Variants in ROBO2 observed in about 807,000 individuals in gnomAD.
The protein encoded by ROBO2 is roundabout homolog 2.
A neutral mutation model predicts 160.8 loss-of-function variants in ROBO2; 53 were observed. That is an observed-to-expected ratio of 0.33 (90% CI 0.26 to 0.41). The LOEUF (loss-of-function observed/expected upper bound fraction) is 0.41, where lower values mean the gene tolerates loss of function less well. Among genes scored for constraint, ROBO2 ranks in the 10% least tolerant of loss-of-function variants. The pLI is 1.00. For synonymous variants in ROBO2, 664 were observed against 611.7 expected, an observed-to-expected ratio of 1.09 and a Z score of -1.26; for missense variants, 1,577 against 1,722.4, an observed-to-expected ratio of 0.92 and a Z score of 1.49.
intron 1 of ROBO2, among the ~76,000 whole-genome samples, chr3:75,928,132 G>A (rs539176069): frequency 6.6e-6 from 1 of 151,860 alleles, no homozygotes; most frequent in African/African-American, 2.4e-5. Flanking sequence ...TTACAGGCGT[G>A]AGCCACCACG....
intron 1 of ROBO2, among the ~76,000 whole-genome samples, chr3:77,075,672 CTTTTTTT>C (rs1174587812): frequency 2.3e-4 from 20 of 87,252 alleles, no homozygotes; most frequent in Admixed American, 2.1e-3. Flanking sequence ...TTTCTTTCTC[CTTTTTTT>C]TTTTTTTTTT....
At chr3:77,492,606 C>CA (rs1415029016) in intron 4 of ROBO2, among the ~76,000 whole-genome samples, 1 of 151,814 alleles carries the variant, frequency 6.6e-6, no homozygotes, top group Non-Finnish European at 1.5e-5. Context: ...GAGAAAACCT[C>CA]AAAAAATTGA....
intron 2 of ROBO2, among the ~76,000 whole-genome samples, chr3:76,954,735 T>C (rs1363364598): frequency 6.6e-6 from 1 of 152,144 alleles, no homozygotes; most frequent in Non-Finnish European, 1.5e-5. Context: ...AGAACACAAT[T>C]ATGCAAATGA....
chr3:76,430,001 A>G (rs2076373504), intron 2 of ROBO2, among the ~76,000 whole-genome samples: 1 of 152,136 alleles, frequency 6.6e-6, no homozygotes, highest in South Asian at 2.1e-4. Context: ...ACACGGGGAC[A>G]CTGGGAACAA....
chr3:75,962,591 G>A (rs946127128), intron 2 of ROBO2, among the ~76,000 whole-genome samples: 1 of 151,726 alleles, frequency 6.6e-6, no homozygotes, highest in African/African-American at 2.4e-5. Context: ...ATATAACTGG[G>A]CTGGCGTCAA....
At chr3:77,054,400 G>A (rs778271589) in intron 1 of ROBO2, among the ~76,000 whole-genome samples, 52 of 152,158 alleles carry the variant, frequency 3.4e-4, no homozygotes, top group Non-Finnish European at 5.7e-4. Context: ...TATGCCATCT[G>A]ACCCCAGATA....
At chr3:77,286,295 T>TCACC (rs2060592695) in intron 2 of ROBO2, among the ~76,000 whole-genome samples, 1 of 146,248 alleles carries the variant, frequency 6.8e-6, no homozygotes, top group Admixed American at 6.8e-5. Context: ...TCTCGCTCTA[T>TCACC]CACCAGGCTG....
chr3:76,555,536 G>T (rs2083736327), intron 2 of ROBO2, among the ~76,000 whole-genome samples: 1 of 152,084 alleles, frequency 6.6e-6, no homozygotes, highest in Admixed American at 6.6e-5. Context: ...TATGAAGTAT[G>T]CTTAATGCCA....
chr3:76,008,221 C>CT (rs1559826764), intron 2 of ROBO2, among the ~76,000 whole-genome samples: 1 of 91,564 alleles, frequency 1.1e-5, no homozygotes, highest in Non-Finnish European at 1.9e-5. Context: ...AGTGACAGAG[C>CT]AAGACTCTGT....
chr3:76,443,945 G>T (rs1174846956), intron 2 of ROBO2, among the ~76,000 whole-genome samples: 1 of 152,012 alleles, frequency 6.6e-6, no homozygotes, highest in Non-Finnish European at 1.5e-5. Context: ...TTCTCCAAAT[G>T]TTTTTAGATT....
intron 2 of ROBO2, among the ~76,000 whole-genome samples, chr3:77,280,744 G>T (rs2060190145): frequency 6.6e-6 from 1 of 152,136 alleles, no homozygotes. Context: ...AATATCTGAT[G>T]TTTAACTTTG....
Position 77,308,697 on chromosome 3 carries a change from T to C in ROBO2, c.389-168717T>C, listed in dbSNP as rs977085419. 3.3e-5 allele frequency among the ~76,000 whole-genome samples: 5 copies of C among 152,332 alleles called. No individual in the cohort carries two copies. In the South Asian group the frequency reaches 1.0e-3, roughly 32 times the overall value. On this transcript the variant is annotated intron_variant, in intron 2 of 25. Transcript: ENST00000461745. ...AGTGAAACGAGTGGGGCCAGGGATTTTCATAGCTTTCCAAAATCTAAAATG... is the reference window on the plus strand; with the variant it reads ...AGTGAAACGAGTGGGGCCAGGGATTCTCATAGCTTTCCAAAATCTAAAATG...
At chr3:76,326,521 A>G (rs1233885210) in intron 2 of ROBO2, among the ~76,000 whole-genome samples, 1 of 152,138 alleles carries the variant, frequency 6.6e-6, no homozygotes, top group Non-Finnish European at 1.5e-5. Flanking sequence ...ACATATATGT[A>G]TATTACATTG....
At chr3:77,245,491 A>G (rs951581151) in intron 2 of ROBO2, among the ~76,000 whole-genome samples, 2 of 152,228 alleles carry the variant, frequency 1.3e-5, no homozygotes, top group African/African-American at 4.8e-5. Context: ...ACAGTGCCAC[A>G]TATCTCCAGA....
At chr3:76,872,136 C>T (rs1392562336) in intron 2 of ROBO2, among the ~76,000 whole-genome samples, 1 of 151,896 alleles carries the variant, frequency 6.6e-6, no homozygotes, top group Non-Finnish European at 1.5e-5. Flanking sequence ...AGGCACATAA[C>T]CCCAAAATAG....
chr3:77,121,957 A>AT (rs543901653), intron 2 of ROBO2, among the ~76,000 whole-genome samples: 2,668 of 152,148 alleles, frequency 0.018, 36 homozygotes, highest in Middle Eastern at 0.041. Context: ...GGCAGGGTAG[A>AT]TTTTTTTAAA....
chr3:76,518,245 G>A (rs1211158993), intron 2 of ROBO2, among the ~76,000 whole-genome samples: 1 of 152,114 alleles, frequency 6.6e-6, no homozygotes, highest in East Asian at 1.9e-4. Context: ...GGCACTTTCT[G>A]TATTTTGGCT....
intron 2 of ROBO2, among the ~76,000 whole-genome samples, chr3:76,277,754 C>T (rs1018089051): frequency 5.3e-5 from 8 of 151,546 alleles, no homozygotes; most frequent in South Asian, 2.1e-4. Context: ...CTGAGTAAAG[C>T]GATTTGATTC....
intron 2 of ROBO2, among the ~76,000 whole-genome samples, chr3:76,790,077 GA>G (rs2063257629): frequency 6.6e-6 from 1 of 151,586 alleles, no homozygotes; most frequent in Non-Finnish European, 1.5e-5. Flanking sequence ...TTTTGGTTAA[GA>G]AAATCATTGT....
Sources: allele counts gnomAD v4.1 joint callset (sites outside exome capture counted in the v4.1 genomes callset), GRCh38; gene constraint gnomAD v4.1.1; transcripts MANE v1.5; gene names NCBI Gene and HGNC (gene_info 2026-07-23, HGNC 2026-07-21).